The following SLC2A13 variants were observed in gnomAD, a reference collection of about 807,000 sequenced individuals.
SLC2A13 encodes proton myo-inositol cotransporter.
Under a neutral mutation model 64.4 loss-of-function variants are expected in SLC2A13, and 32 were observed. The observed-to-expected ratio is 0.50, with a 90% CI of 0.37 to 0.67. The LOEUF is 0.67. SLC2A13 is among the 30% of genes least tolerant of loss of function. The pLI, the probability that SLC2A13 is intolerant of heterozygous loss-of-function variation, is 0.00. For missense variants in SLC2A13, 743 were observed against 829.2 expected (o/e 0.90, Z 1.28); for synonymous variants, 338 against 327.1 (o/e 1.03, Z -0.36).
At chr12:39,984,599 A>G (rs1016640343) in intron 3 of SLC2A13, among the ~76,000 whole-genome samples, 1 of 152,216 alleles carries the variant, frequency 6.6e-6, no homozygotes, top group Non-Finnish European at 1.5e-5. Context: ...GTTCTGGATT[A>G]CTAATATCCA....
At chr12:39,780,648 A>G (rs776858892) in intron 7 of SLC2A13, among the ~76,000 whole-genome samples, 2 of 152,348 alleles carry the variant, frequency 1.3e-5, no homozygotes, top group African/African-American at 4.8e-5. Flanking sequence ...AAAATATCAC[A>G]TATCAATCTC....
intron 4 of SLC2A13, among the ~76,000 whole-genome samples, chr12:39,946,815 T>C (rs1284725441): frequency 2.0e-5 from 3 of 152,174 alleles, no homozygotes; most frequent in South Asian, 2.1e-4. Flanking sequence ...AGGGCTTTAG[T>C]TTTTCCCCCG....
intron 7 of SLC2A13, among the ~76,000 whole-genome samples, chr12:39,804,803 T>C (rs1941913940): frequency 6.6e-6 from 1 of 152,112 alleles, no homozygotes; most frequent in Non-Finnish European, 1.5e-5. Flanking sequence ...TATATTTACA[T>C]GTTAAATATA....
intron 4 of SLC2A13, among the ~76,000 whole-genome samples, chr12:39,946,452 A>G (rs567940839): frequency 1.1e-4 from 16 of 152,316 alleles, no homozygotes; most frequent in African/African-American, 3.6e-4. Flanking sequence ...GTCTTCCACT[A>G]CCAGGATGGA....
intron 3 of SLC2A13, among the ~76,000 whole-genome samples, chr12:39,969,981 A>T (rs1207985972): frequency 6.6e-6 from 1 of 151,970 alleles, no homozygotes; most frequent in Non-Finnish European, 1.5e-5. Flanking sequence ...TTTGTATAAG[A>T]TGTAAGGAAG....
intron 6 of SLC2A13, among the ~76,000 whole-genome samples, chr12:39,834,155 G>C (rs1436926750): frequency 6.6e-6 from 1 of 151,978 alleles, no homozygotes; most frequent in East Asian, 1.9e-4. Context: ...TAAAACTTTG[G>C]TTAAATACAT....
chr12:39,964,762 A>G (rs1393835779), intron 3 of SLC2A13, among the ~76,000 whole-genome samples: 1 of 152,212 alleles, frequency 6.6e-6, no homozygotes, highest in African/African-American at 2.4e-5. Context: ...ATCCTATGTC[A>G]TAGCATATAA....
chr12:40,050,517 C>T (rs1411966639), intron 1 of SLC2A13, among the ~76,000 whole-genome samples: 1 of 152,124 alleles, frequency 6.6e-6, no homozygotes, highest in East Asian at 1.9e-4. Flanking sequence ...CATGAAAGAC[C>T]TTCTGTCCAA....
At chr12:39,892,387 G>C (rs558437190) in intron 4 of SLC2A13, among the ~76,000 whole-genome samples, 2 of 152,154 alleles carry the variant, frequency 1.3e-5, no homozygotes, top group Non-Finnish European at 2.9e-5. Flanking sequence ...TGTCTGGCCC[G>C]GCCACAGGAC....
intron 4 of SLC2A13, among the ~76,000 whole-genome samples, chr12:39,897,721 T>C (rs1944965047): frequency 6.6e-6 from 1 of 152,178 alleles, no homozygotes; most frequent in African/African-American, 2.4e-5. Context: ...TGGAGTAATA[T>C]CTTCACTGTA....
At chr12:40,034,174 C>A (rs1365230878) in intron 2 of SLC2A13, among the ~76,000 whole-genome samples, 1 of 152,010 alleles carries the variant, frequency 6.6e-6, no homozygotes, top group Non-Finnish European at 1.5e-5. Flanking sequence ...TTTTTGTAGC[C>A]CTTGAGGAGC....
At chr12:39,864,659 G>A in intron 6 of SLC2A13, 103 bp downstream of exon 6, 1 of 1,441,354 alleles carries the variant, frequency 6.9e-7, no homozygotes, top group Admixed American at 2.1e-5. Context: ...AAGCCTGGAT[G>A]CCCAGCAAGC....
chr12:40,065,052 T>C lies in SLC2A13; in HGVS notation c.557-16842A>G, dbSNP rs17483482. Among the ~76,000 whole-genome samples, 38 of 152,288 alleles carry C rather than the reference T, an allele frequency of 2.5e-4. No individual in the cohort carries two copies. In the East Asian group the frequency reaches 6.8e-3, roughly 27 times the overall value. On this transcript the variant is annotated intron_variant, in intron 1 of 9. Coordinates refer to ENST00000280871, the MANE Select transcript of SLC2A13 (RefSeq NM_052885.4). ...TGTATATACTGATACCAGAAAGTTA[T>C]ACTTATCTTGAAAAGCTTAAATTTT...
At chr12:39,977,271 A>G (rs1335548097) in intron 3 of SLC2A13, among the ~76,000 whole-genome samples, 2 of 152,252 alleles carry the variant, frequency 1.3e-5, no homozygotes, top group Non-Finnish European at 2.9e-5. Flanking sequence ...TCAAGGAGCT[A>G]GTGAGTGGTA....
At chr12:40,100,441 T>G (rs186547324) in intron 1 of SLC2A13, among the ~76,000 whole-genome samples, 2 of 152,348 alleles carry the variant, frequency 1.3e-5, no homozygotes, top group East Asian at 3.9e-4. Flanking sequence ...ACTGTGTACA[T>G]GCTAATAGTG....
chr12:39,861,896 G>A (rs1301849578), intron 6 of SLC2A13, among the ~76,000 whole-genome samples: 2 of 152,000 alleles, frequency 1.3e-5, no homozygotes, highest in Non-Finnish European at 2.9e-5. Context: ...TAAGTTCCAG[G>A]ATACATGTGC....
chr12:39,880,927 T>C (rs887027240), intron 4 of SLC2A13, among the ~76,000 whole-genome samples: 3 of 152,238 alleles, frequency 2.0e-5, no homozygotes, highest in African/African-American at 7.2e-5. Flanking sequence ...TTCTATAAAA[T>C]ACATGCCCAC....
chr12:40,011,405 T>C (rs1001126640), intron 3 of SLC2A13, among the ~76,000 whole-genome samples: 2 of 152,222 alleles, frequency 1.3e-5, no homozygotes, highest in African/African-American at 2.4e-5. Flanking sequence ...CAGTTTCTAA[T>C]AAACTTTCTT....
chr12:39,916,882 A>C (rs1452103785), intron 4 of SLC2A13, among the ~76,000 whole-genome samples: 1 of 152,082 alleles, frequency 6.6e-6, no homozygotes, highest in Non-Finnish European at 1.5e-5. Context: ...AGGTACTAAC[A>C]ATTTCACCAT....
Sources: gnomAD v4.1 joint callset for allele counts (sites outside exome capture counted in the v4.1 genomes callset) on GRCh38, gnomAD v4.1.1 for gene constraint, MANE v1.5 for transcripts, NCBI Gene and HGNC (gene_info 2026-07-23, HGNC 2026-07-21) for gene names.